Variants in C6 observed in about 807,000 individuals in gnomAD.
C6 encodes complement C6.
In C6, 101 loss-of-function variants were observed where a neutral mutation model predicts 112.9. The observed-to-expected ratio is 0.89, with a 90% CI of 0.76 to 1.06. The LOEUF (loss-of-function observed/expected upper bound fraction) is 1.06. Among genes scored for constraint, C6 ranks in the 50% least tolerant of loss-of-function variants. C6 has a pLI of 0.00. For missense variants in C6, 1,202 were observed against 1,104.6 expected, an observed-to-expected ratio of 1.09 and a Z score of -1.25; for synonymous variants, 431 against 384.1, an observed-to-expected ratio of 1.12 and a Z score of -1.43.
At chr5:41,150,120 A>C in intron 15 of C6, 95 bp from the exon 16 acceptor site, 1 of 816,532 alleles carries the variant, frequency 1.2e-6, no homozygotes, top group East Asian at 2.5e-5. Context: ...TAAAGGATTC[A>C]TATTTATCTC....
At chr5:41,195,515 T>G (rs1750541537) in intron 5 of C6, among the ~76,000 whole-genome samples, 1 of 152,154 alleles carries the variant, frequency 6.6e-6, no homozygotes, top group Admixed American at 6.5e-5. Context: ...TCCAAAACTT[T>G]CTGAGAGATG....
intron 7 of C6, 98 bp downstream of exon 7, chr5:41,181,261 T>C (rs1749314086): frequency 3.7e-6 from 4 of 1,091,188 alleles, no homozygotes; most frequent in Non-Finnish European, 4.2e-6. Flanking sequence ...GAAGTCATAC[T>C]GGTACAATAT....
Position 41,195,788 on chromosome 5 carries a change from A to G in C6, c.587+4T>C, listed in dbSNP as rs1451500674. ...CCCCAAGATGATAAAAAGATGTTAC[A>G]TACCCATTGCCCATCAACTGTACAC... On this transcript the variant is annotated splice_donor_region_variant and intron_variant, in intron 5 of 17. Coordinates refer to ENST00000337836, the MANE Select transcript of C6 (RefSeq NM_000065.5). The G allele has an allele frequency of 1.9e-6, 3 of 1,613,272 alleles. No individual in the cohort carries two copies. The highest frequency in any genetic ancestry group is 2.5e-6 in the Non-Finnish European group (3 of 1,179,812).
intron 1 of C6, among the ~76,000 whole-genome samples, chr5:41,227,298 T>G (rs756121577): frequency 3.8e-4 from 57 of 150,522 alleles, no homozygotes; most frequent in Non-Finnish European, 6.1e-4. Flanking sequence ...ATTTTTTAAT[T>G]GTTTTTTTTT....
intron 11 of C6, among the ~76,000 whole-genome samples, chr5:41,159,874 T>C (rs1747306407): frequency 6.6e-6 from 1 of 152,204 alleles, no homozygotes; most frequent in Non-Finnish European, 1.5e-5. Flanking sequence ...ACGCATATAA[T>C]ATATTCATAT....
intron 1 of C6, among the ~76,000 whole-genome samples, chr5:41,254,588 G>A (rs1741567509): frequency 6.6e-6 from 1 of 152,150 alleles, no homozygotes; most frequent in Non-Finnish European, 1.5e-5. Flanking sequence ...AGAGAACCTT[G>A]ATAACTCCCT....
chr5:41,181,589 T>C (rs758038278), intron 6 of C6, 30 bp from the exon 7 acceptor site: 3 of 1,562,862 alleles, frequency 1.9e-6, no homozygotes, highest in African/African-American at 2.7e-5. Context: ...AAATAAAATA[T>C]AATTTAGGAA....
chr5:41,143,164 A>AAAAAC (rs761577427), intron 17 of C6, among the ~76,000 whole-genome samples, 158 bp from the exon 18 acceptor site: 84 of 152,258 alleles, frequency 5.5e-4, no homozygotes, highest in South Asian at 2.7e-3. Context: ...AATAAAAATT[A>AAAAAC]AAAACAAAAC....
intron 1 of C6, among the ~76,000 whole-genome samples, chr5:41,251,708 T>G (rs1180326593): frequency 6.6e-6 from 1 of 152,202 alleles, no homozygotes; most frequent in African/African-American, 2.4e-5. Context: ...ACAAAATATA[T>G]TTTTGCAAAT....
At chr5:41,210,271 A>G (rs1233384062) in intron 1 of C6, among the ~76,000 whole-genome samples, 1 of 152,258 alleles carries the variant, frequency 6.6e-6, no homozygotes, top group Admixed American at 6.5e-5. Flanking sequence ...ACCCTAGAAG[A>G]AAACCTAGGC....
At chr5:41,203,461 C>A (rs1378380997) in intron 1 of C6, 8 of 515,640 alleles carry the variant, frequency 1.6e-5, no homozygotes, top group South Asian at 4.0e-5. Context: ...ATAGGCACAA[C>A]CTCCAGTACT....
At chr5:41,202,677 T>C (rs1038287921) in intron 2 of C6, among the ~76,000 whole-genome samples, 1 of 152,214 alleles carries the variant, frequency 6.6e-6, no homozygotes, top group African/African-American at 2.4e-5. Context: ...CCATTTTGTA[T>C]ATGCCAACAA....
intron 1 of C6, among the ~76,000 whole-genome samples, chr5:41,220,751 A>G (rs1739114154): frequency 6.6e-6 from 1 of 152,128 alleles, no homozygotes; most frequent in Non-Finnish European, 1.5e-5. Flanking sequence ...TACAGGAGGT[A>G]CACATGTATA....
chr5:41,162,837 G>A (rs962898104), intron 9 of C6, among the ~76,000 whole-genome samples: 1 of 152,120 alleles, frequency 6.6e-6, no homozygotes, highest in South Asian at 2.1e-4. Flanking sequence ...GGTATAAGGC[G>A]TAACAAAACA....
chr5:41,214,593 C>A (rs966541494), upstream of C6, among the ~76,000 whole-genome samples: 3 of 152,188 alleles, frequency 2.0e-5, no homozygotes, highest in South Asian at 4.1e-4. Context: ...AGTGTTGAAG[C>A]TAGTTTGGGG....
chr5:41,249,856 G>A (rs923241683), intron 1 of C6, among the ~76,000 whole-genome samples: 1 of 152,034 alleles, frequency 6.6e-6, no homozygotes, highest in Non-Finnish European at 1.5e-5. Flanking sequence ...TAACTTACAG[G>A]AGTACTCATA....
chr5:41,260,836 C>T (rs374296400), intron 1 of C6, among the ~76,000 whole-genome samples: 1 of 150,700 alleles, frequency 6.6e-6, no homozygotes, highest in Non-Finnish European at 1.5e-5. Flanking sequence ...TAGTCTTAAA[C>T]ACACCAGTCC....
chr5:41,160,005 TGCAGG>T, intron 11 of C6, 132 bp downstream of exon 11: 8 of 722,628 alleles, frequency 1.1e-5, no homozygotes, highest in Admixed American at 6.4e-5. Flanking sequence ...TCACACTTTT[TGCAGG>T]TTTATCTTCC....
At chr5:41,206,526 C>T (rs533790514) in intron 1 of C6, among the ~76,000 whole-genome samples, 33 of 152,218 alleles carry the variant, frequency 2.2e-4, no homozygotes, top group African/African-American at 7.9e-4. Flanking sequence ...TAGAGAAGAC[C>T]TTAAATGACC....
Sources: gnomAD v4.1 joint callset for allele counts (sites outside exome capture counted in the v4.1 genomes callset) on GRCh38, gnomAD v4.1.1 for gene constraint, MANE v1.5 for transcripts, NCBI Gene and HGNC (gene_info 2026-07-23, HGNC 2026-07-21) for gene names.